VCAM1: variants seen among roughly 807,000 people sequenced by gnomAD.
VCAM1 encodes the protein vascular cell adhesion protein 1.
VCAM1 carries 41 observed loss-of-function variants against 63.8 expected under a neutral mutation model. That is an observed-to-expected ratio of 0.64 (90% confidence interval 0.50 to 0.83). VCAM1 has a LOEUF of 0.83. VCAM1 is among the 40% of genes least tolerant of loss of function. The pLI is 0.00. For synonymous variants in VCAM1, 338 were observed against 320.7 expected (o/e 1.05, Z -0.58); for missense variants, 798 against 875.5 (o/e 0.91, Z 1.12).
chr1:100,720,664 G>A lies in VCAM1; in HGVS notation c.253G>A (p.Val85Ile), dbSNP rs745541794. ...GTTSTLTMNP[V>I]SFGNEHSYLC... ...CACATCTACGCTGACAATGAATCCT[G>A]TTAGTTTTGGGAACGAACACTCTTA... is the stretch of plus-strand genomic sequence containing the variant. The change falls in exon 2 of 9, where the codon GTT becomes ATT. Residue 85 changes from valine to isoleucine, a missense_variant. Physicochemically the swap from Val to Ile is conservative, Grantham distance 29. Transcript: ENST00000294728. The A allele has an allele frequency of 1.5e-5, 25 of 1,613,154 alleles. No homozygotes were observed. Among genetic ancestry groups the A allele is most frequent in the Non-Finnish European group, 1.7e-6 (2 of 1,179,548 alleles).
rs767930526 is a variant in VCAM1, at chr1:100,719,941, C to A, written c.64+17C>A. ...TTGCAGCTTGTAAGTTATTTCCCTT[C>A]ATCTGTTTCAAATGTTAGCATTCAA... On this transcript the variant is annotated intron_variant, in intron 1 of 8. Transcript: ENST00000294728. The A allele has an allele frequency of 6.2e-7, 1 of 1,605,310 alleles. No individual in the cohort carries two copies. The highest frequency in any genetic ancestry group is 1.1e-5 in the South Asian group (1 of 90,328).
chr1:100,729,316 T>C lies in VCAM1; in HGVS notation c.1138T>C (p.Ser380Pro), dbSNP rs752740188. The C allele has an allele frequency of 6.2e-7, 1 of 1,613,458 alleles. No individual in the cohort carries two copies. Among genetic ancestry groups the C allele is most frequent in the Non-Finnish European group, 8.5e-7 (1 of 1,179,664 alleles). The change falls in exon 5 of 9, where the codon TCT (serine) becomes CCT (proline). Residue 380 changes from serine (S) to proline (P), a missense_variant. Transcript: ENST00000294728. Reference protein sequence around the residue: ...LSPVSFENEHSYLCTVTCGHK... With the variant: ...LSPVSFENEHPYLCTVTCGHK... Reference sequence around the variant, plus strand: ...CCCTGTGAGTTTTGAGAACGAACACTCTTATCTGTGCACAGTGACTTGTGG... The same window carrying C: ...CCCTGTGAGTTTTGAGAACGAACACCCTTATCTGTGCACAGTGACTTGTGG...
rs1237903328 is a variant in VCAM1 at position 100,738,765 on chromosome 1, G to T, written c.*482G>T. 1.3e-5 allele frequency: 2 copies of T among 152,292 alleles called. No homozygotes were observed. The highest frequency in any genetic ancestry group is 1.3e-4 in the Admixed American group (2 of 15,270). The allele number at this position is 152,292 out of a possible 1,614,324, so 9.4% of individuals were successfully genotyped here. On this transcript the variant is annotated 3_prime_UTR_variant, in exon 9 of 9. Transcript: ENST00000294728. ...ATATAGTTTATTGACAATAATTTCA[G>T]GTTTTGTAAAGATGCCGGGTTTTAT...
intron 7 of VCAM1, 137 bp downstream of exon 7, chr1:100,732,821 C>T (rs1293271124): frequency 2.9e-5 from 27 of 940,072 alleles, no homozygotes; most frequent in Non-Finnish European, 3.9e-5. Flanking sequence ...ATGATGTTTC[C>T]AATGTATGGA....
rs781236966 is a variant in VCAM1 at position 100,734,662 on chromosome 1, C to T, written c.1953C>T (p.Gly651=). The T allele has an allele frequency of 3.3e-5, 53 of 1,613,874 alleles. No individual in the cohort carries two copies. Among genetic ancestry groups the T allele is most frequent in the African/African-American group, 4.0e-5 (3 of 75,004 alleles). ...ACACAGTACTAAAATCTATAGATGGCGCCTATACCATCCGAAAGGCCCAGT... is the reference window on the plus strand; with the variant it reads ...ACACAGTACTAAAATCTATAGATGGTGCCTATACCATCCGAAAGGCCCAGT... ...TGDTVLKSID[G]AYTIRKAQLK... is the part of the protein sequence containing the mutation. The change falls in exon 8 of 9, where the codon GGC becomes GGT. Residue 651 remains glycine (G), a synonymous_variant. Transcript: ENST00000294728.
intron 6 of VCAM1, among the ~76,000 whole-genome samples, 190 bp from the exon 7 acceptor site, chr1:100,732,228 T>G (rs1032855365): frequency 1.3e-5 from 2 of 152,198 alleles, no homozygotes; most frequent in Non-Finnish European, 2.9e-5. Flanking sequence ...CACCATGACG[T>G]GTCCATGTTC....
In VCAM1 at chr1:100,738,301, C is replaced by T. The variant is rs375856282; in HGVS notation, c.*18C>T. The T allele has an allele frequency of 2.2e-5, 36 of 1,608,856 alleles. No homozygotes were observed. The highest frequency in any genetic ancestry group is 2.8e-5 in the Non-Finnish European group (33 of 1,176,988). On this transcript the variant is annotated 3_prime_UTR_variant, in exon 9 of 9. Coordinates refer to ENST00000294728, the MANE Select transcript of VCAM1 (RefSeq NM_001078.4). ...AAGTGTAGCTAATGCTTGATATGTT[C>T]AACTGGAGACACTATTTATCTGTGC...
intron 3 of VCAM1, among the ~76,000 whole-genome samples, chr1:100,723,613 A>G (rs1024999951): frequency 1.3e-5 from 2 of 152,048 alleles, no homozygotes; most frequent in African/African-American, 4.8e-5. Flanking sequence ...TAAAAGGGGA[A>G]TAGTAATACC....
At chr1:100,719,975 C>A in intron 1 of VCAM1, 51 bp downstream of exon 1, 1 of 1,584,772 alleles carries the variant, frequency 6.3e-7, no homozygotes, top group Non-Finnish European at 8.6e-7. Flanking sequence ...AATTTTAGCC[C>A]TGGTTTTGGC....
intron 1 of VCAM1, 102 bp from the exon 2 acceptor site, chr1:100,720,374 G>T: frequency 1.4e-6 from 2 of 1,437,256 alleles, no homozygotes; most frequent in Non-Finnish European, 1.9e-6. Flanking sequence ...GCTTAGGAAA[G>T]AGATCAGTCT....
Position 100,738,456 on chromosome 1 carries a change from A to G in VCAM1, c.*173A>G. On this transcript the variant is annotated 3_prime_UTR_variant, in exon 9 of 9. Transcript: ENST00000294728. ...GCTGTGAGCAAGAAGTCAAAGTAAA[A>G]CTTGCTGCCTGAAGAACAGTAACTG... 1.6e-6 allele frequency: 1 copy of G among 626,016 alleles called. No homozygotes were observed. The highest frequency in any genetic ancestry group is 2.5e-6 in the Non-Finnish European group (1 of 394,838). The allele number at this position is 626,016 out of a possible 1,614,324, so 38.8% of individuals were successfully genotyped here. A position where few individuals can be genotyped will look rare whatever the true frequency, so the allele number is the denominator to read the frequency against.
intron 5 of VCAM1, among the ~76,000 whole-genome samples, chr1:100,729,968 C>T (rs1660376590): frequency 6.6e-6 from 1 of 152,124 alleles, no homozygotes. Context: ...CTTTCTCTCA[C>T]TCTTCTTTTG....
rs1660749907 is a variant in VCAM1 at position 100,738,779 on chromosome 1, G to A, written c.*496G>A. 1 of 152,272 alleles carries A rather than the reference G, an allele frequency of 6.6e-6. No individual in the cohort carries two copies. Among genetic ancestry groups the A allele is most frequent in the Non-Finnish European group, 1.5e-5 (1 of 68,132 alleles). 9.4% of individuals were successfully genotyped at this position (152,272 alleles called of 1,614,324 possible). ...CAATAATTTCAGGTTTTGTAAAGATGCCGGGTTTTATATTTTTATAGACAA... is the reference window on the plus strand; with the variant it reads ...CAATAATTTCAGGTTTTGTAAAGATACCGGGTTTTATATTTTTATAGACAA... On this transcript the variant is annotated 3_prime_UTR_variant, in exon 9 of 9. Coordinates refer to ENST00000294728, the MANE Select transcript of VCAM1 (RefSeq NM_001078.4).
chr1:100,729,007 T>A, intron 4 of VCAM1, 100 bp from the exon 5 acceptor site: 1 of 1,347,304 alleles, frequency 7.4e-7, no homozygotes, highest in Non-Finnish European at 9.8e-7. Flanking sequence ...GGATATTAGC[T>A]GAAAGGAGAT....
rs1224099690 is a variant in VCAM1, at chr1:100,723,300, G to A, written c.621G>A (p.Val207=). 1.2e-6 allele frequency: 2 copies of A among 1,612,846 alleles called. No individual in the cohort carries two copies. Among genetic ancestry groups the A allele is most frequent in the Non-Finnish European group, 1.7e-6 (2 of 1,179,298 alleles). Residue 207 remains valine (V), a synonymous_variant, in exon 3 of 9, where the codon GTG becomes GTA. Coordinates refer to ENST00000294728, the MANE Select transcript of VCAM1 (RefSeq NM_001078.4). Reference sequence around the variant, plus strand: ...TACACATTGATGAAATGGATTCTGTGCCCACAGTAAGGCAGGCTGTAAAAG... The same window carrying A: ...TACACATTGATGAAATGGATTCTGTACCCACAGTAAGGCAGGCTGTAAAAG... ...AKLHIDEMDS[V]PTVRQAVKEL... is the part of the protein sequence containing the mutation.
Position 100,734,414 on chromosome 1 carries a change from A to G in VCAM1, c.1793-88A>G, listed in dbSNP as rs111822698. ...GCAAACGCTAAGCACAAATAGCTCC[A>G]GGGAAGCTATTGTTGATGTCGCTAA... is the stretch of plus-strand genomic sequence containing the variant. On this transcript the variant is annotated intron_variant, in intron 7 of 8. Coordinates refer to ENST00000294728, the MANE Select transcript of VCAM1 (RefSeq NM_001078.4). 2.7e-5 allele frequency: 38 copies of G among 1,403,802 alleles called. No individual in the cohort carries two copies. In the African/African-American group the frequency reaches 4.6e-4, roughly 17 times the overall value. 87.0% of individuals were successfully genotyped at this position (1,403,802 alleles called of 1,614,324 possible). A position where few individuals can be genotyped will look rare whatever the true frequency, so the allele number is the denominator to read the frequency against.
chr1:100,723,237 T>G lies in VCAM1; in HGVS notation c.558T>G (p.Ile186Met). The stretch of plus-strand genomic sequence containing the variant: ...TGGAAGTAACCTTTACTCCTGTCAT[T>G]GAGGATATTGGAAAAGTTCTTGTTT... ...KSLEVTFTPV[I>M]EDIGKVLVCR... The change falls in exon 3 of 9, where the codon ATT becomes ATG. Residue 186 changes from isoleucine to methionine, a missense_variant. By Grantham distance (10) the Ile-to-Met change is conservative. Transcript: ENST00000294728. The G allele has an allele frequency of 6.2e-7, 1 of 1,613,030 alleles. No individual in the cohort carries two copies. Among genetic ancestry groups the G allele is most frequent in the Admixed American group, 1.7e-5 (1 of 59,856 alleles).
intron 8 of VCAM1, chr1:100,735,854 A>G (rs1049498302): frequency 9.8e-5 from 15 of 152,304 alleles, no homozygotes; most frequent in African/African-American, 3.4e-4. Flanking sequence ...TAGCCAATGA[A>G]GTTACTATGT....
intron 2 of VCAM1, among the ~76,000 whole-genome samples, chr1:100,721,851 C>T (rs1659966125): frequency 6.6e-6 from 1 of 152,018 alleles, no homozygotes; most frequent in Admixed American, 6.6e-5. Context: ...ATTAGAGGAA[C>T]ATTTCTTACA....
Sources: gnomAD v4.1 joint callset for allele counts (sites outside exome capture counted in the v4.1 genomes callset) on GRCh38, gnomAD v4.1.1 for gene constraint, MANE v1.5 for transcripts, NCBI Gene and HGNC (gene_info 2026-07-23, HGNC 2026-07-21) for gene names.